POLR2F: variants seen among roughly 807,000 people sequenced by gnomAD.
POLR2F encodes the protein RNA polymerase II, I and III subunit F.
Under a neutral mutation model 22.7 loss-of-function variants are expected in POLR2F, and 12 were observed. The observed-to-expected ratio is 0.53, with a 90% CI of 0.34 to 0.86. POLR2F has a LOEUF of 0.86. Ranked by LOEUF, POLR2F falls within the 40% of genes least tolerant of loss-of-function variation. The pLI is 0.02. For synonymous variants in POLR2F, 57 were observed against 66.0 expected (o/e 0.86, Z 0.66); for missense variants, 126 against 171.5 (o/e 0.73, Z 1.48).
chr22:38,029,235 A>G (rs183159075), downstream of POLR2F, among the ~76,000 whole-genome samples: 62 of 152,292 alleles, frequency 4.1e-4, no homozygotes, highest in Non-Finnish European at 7.4e-5. Flanking sequence ...GGAGATGCAG[A>G]ATGTCTTTGG....
intron 1 of POLR2F, among the ~76,000 whole-genome samples, chr22:37,995,854 G>A (rs1449242404): frequency 6.6e-6 from 1 of 151,148 alleles, no homozygotes; most frequent in Non-Finnish European, 1.5e-5. Flanking sequence ...AAAAAAATCA[G>A]CTGGGTGTGG....
chr22:37,983,839 CG>C, upstream of POLR2F: 1 of 1,332,748 alleles, frequency 7.5e-7, no homozygotes, highest in Non-Finnish European at 9.6e-7. This position sits in a 1 kb window ranked among gnomAD's most constrained non-coding sequence, Gnocchi z 9.5. Context: ...GGCCAGCCGC[CG>C]GGGTCCTCGC....
chr22:38,023,519 G>A (rs1050088793), intron 1 of POLR2F, among the ~76,000 whole-genome samples: 2 of 150,940 alleles, frequency 1.3e-5, no homozygotes, highest in African/African-American at 4.9e-5. Flanking sequence ...GTACAGTTTC[G>A]TGGCACTAGG....
Position 37,997,929 on chromosome 22 carries a change from G to A in POLR2F, c.120+11617G>A, listed in dbSNP as rs1208043821. 3.3e-5 allele frequency among the ~76,000 whole-genome samples: 5 copies of A among 152,188 alleles called. No individual in the cohort carries two copies. Among genetic ancestry groups the A allele is most frequent in the African/African-American group, 4.8e-5 (2 of 41,448 alleles). On this transcript the variant is annotated intron_variant, in intron 1 of 2. Transcript: ENST00000333418. This position sits in a 1 kb window ranked among gnomAD's most constrained non-coding sequence, Gnocchi z 4.4. ...CGCAGGATTTGTACCATCTCCTGGC[G>A]CGAGAGCCAGGGTTGCCCAGATTGA...
At chr22:37,998,815 T>C (rs528108017) in intron 1 of POLR2F, among the ~76,000 whole-genome samples, 26 of 150,154 alleles carry the variant, frequency 1.7e-4, no homozygotes, top group African/African-American at 5.4e-4. Flanking sequence ...CCCAGAGGAA[T>C]GTGAGAGGGA....
Position 37,986,250 on chromosome 22 carries a change from A to C in POLR2F, c.60A>C (p.Ala20=), listed in dbSNP as rs1294207705. Residue 20 remains alanine, a synonymous_variant, in exon 1 of 3, where the codon GCA becomes GCC. Transcript: ENST00000333418. The surrounding 1 kb of genome is among the most constrained non-coding windows in gnomAD (Gnocchi z 4.7). ...TGCCGTCGTGTCCCGGCTGCCCTGC[A>C]GTCGCCTCCAACACCCGCTGCTGCC... 7 of 1,540,100 alleles carry C rather than the reference A, an allele frequency of 4.5e-6. No individual in the cohort carries two copies. Among genetic ancestry groups the C allele is most frequent in the Non-Finnish European group, 6.1e-6 (7 of 1,147,078 alleles).
intron 1 of POLR2F, among the ~76,000 whole-genome samples, 154 bp from the exon 2 acceptor site, chr22:37,956,619 G>C (rs938617601): frequency 5.9e-5 from 9 of 152,118 alleles, no homozygotes; most frequent in African/African-American, 2.2e-4. Context: ...GTTTTGCCTT[G>C]TTGGCCAGGC....
chr22:37,978,181 G>A lies in POLR2F; in HGVS notation c.293+11011G>A. 6.7e-7 allele frequency: 1 copy of A among 1,481,744 alleles called. No homozygotes were observed. The highest frequency in any genetic ancestry group is 9.0e-7 in the Non-Finnish European group (1 of 1,115,666). 91.8% of individuals were successfully genotyped at this position (1,481,744 alleles called of 1,614,324 possible). A position where few individuals can be genotyped will look rare whatever the true frequency, so the allele number is the denominator to read the frequency against. On this transcript the variant is annotated intron_variant, in intron 4 of 4. Coordinates refer to the POLR2F transcript ENST00000405557. This position sits in a 1 kb window ranked among gnomAD's most constrained non-coding sequence, Gnocchi z 5.0. ...GAGAGGACAGCAGAGGGGCTGGCGT[G>A]AATGCCAGAGCACTCCAGGTTGGCC...
At chr22:38,012,790 T>C (rs2084882710) in intron 1 of POLR2F, among the ~76,000 whole-genome samples, 1 of 152,248 alleles carries the variant, frequency 6.6e-6, no homozygotes, top group African/African-American at 2.4e-5. Flanking sequence ...CTGGTGTTTT[T>C]TCAAATGAGG....
chr22:38,010,416 CAG>C (rs1048004370), intron 1 of POLR2F, among the ~76,000 whole-genome samples: 20 of 148,978 alleles, frequency 1.3e-4, no homozygotes, highest in Admixed American at 2.7e-4. Flanking sequence ...GAGAGAGAGA[CAG>C]AGAGAGAGAG....
chr22:37,970,500 G>T (rs947781758), downstream of POLR2F, among the ~76,000 whole-genome samples: 3 of 150,606 alleles, frequency 2.0e-5, no homozygotes, highest in East Asian at 1.9e-4. Flanking sequence ...CCAGCTACTC[G>T]GGAGGCTGAG....
chr22:37,969,094 C>T lies in POLR2F; in HGVS notation c.*1379C>T, dbSNP rs1931968649. On this transcript the variant is annotated 3_prime_UTR_variant, in exon 5 of 5. Coordinates refer to ENST00000442738, the MANE Select transcript of POLR2F (RefSeq NM_021974.5). ...GGTCTCTTTGTTCCCTGCTGGGCTGCTCAGTATCAGATGTGATTAAAGGGA... is the reference window on the plus strand; with the variant it reads ...GGTCTCTTTGTTCCCTGCTGGGCTGTTCAGTATCAGATGTGATTAAAGGGA... 2.0e-6 allele frequency: 2 copies of T among 985,266 alleles called. No individual in the cohort carries two copies. Among genetic ancestry groups the T allele is most frequent in the South Asian group, 9.4e-5 (2 of 21,292 alleles). The allele number at this position is 985,266 out of a possible 1,614,324, so 61.0% of individuals were successfully genotyped here.
Position 37,978,273 on chromosome 22 carries a change from G to T in POLR2F, c.293+11103G>T. The T allele has an allele frequency of 2.2e-6, 2 of 905,614 alleles. No homozygotes were observed. The highest frequency in any genetic ancestry group is 3.7e-5 in the South Asian group (2 of 54,264). The allele number at this position is 905,614 out of a possible 1,614,324, so 56.1% of individuals were successfully genotyped here. A position where few individuals can be genotyped will look rare whatever the true frequency, so the allele number is the denominator to read the frequency against. Reference sequence around the variant, plus strand: ...TGGGGCACCCAGAGGACAGGACCCGGGGTGGGGGCTGTGCCCTATGATTTG... The same window carrying T: ...TGGGGCACCCAGAGGACAGGACCCGTGGTGGGGGCTGTGCCCTATGATTTG... On this transcript the variant is annotated intron_variant, in intron 4 of 4. Coordinates refer to the POLR2F transcript ENST00000405557. The surrounding 1 kb of genome is among the most constrained non-coding windows in gnomAD (Gnocchi z 5.0).
At chr22:38,032,731 C>T (rs56285444) in intron 5 of POLR2F, 2,438 of 152,452 alleles carry the variant, frequency 0.016, 72 homozygotes, top group African/African-American at 0.057. Context: ...GGAATCAGGA[C>T]GTGTCACAGA....
intron 1 of POLR2F, among the ~76,000 whole-genome samples, chr22:37,999,622 C>G (rs775414322): frequency 6.6e-6 from 1 of 152,056 alleles, no homozygotes; most frequent in African/African-American, 2.4e-5. Context: ...GCCACCGAGC[C>G]GAAATGAGCC....
chr22:38,001,223 C>T (rs949256170), intron 1 of POLR2F, among the ~76,000 whole-genome samples: 9 of 152,200 alleles, frequency 5.9e-5, no homozygotes, highest in Non-Finnish European at 1.2e-4. Context: ...AGAATTTATT[C>T]ATGAGTTGTT....
In POLR2F at chr22:37,991,347, G is replaced by A. The variant is rs1289747845; in HGVS notation, c.120+5035G>A. On this transcript the variant is annotated intron_variant, in intron 1 of 2. Coordinates refer to the POLR2F transcript ENST00000333418. ...TTGGCCAGGCTGGTCTTGAACTCCT[G>A]ACCTCAGGTGATTTGCCTGCCTCAG... 2.0e-5 allele frequency among the ~76,000 whole-genome samples: 3 copies of A among 152,122 alleles called. No homozygotes were observed. The East Asian group carries it at 5.8e-4, about 29-fold the overall frequency.
chr22:37,972,093 GGAGA>G (rs1239581743), downstream of POLR2F: 12 of 328,008 alleles, frequency 3.7e-5, no homozygotes, highest in East Asian at 1.9e-4. Flanking sequence ...GGGGGAGGGG[GGAGA>G]GAGAGAGAGA....
At chr22:37,995,812 C>T (rs572043000) in intron 1 of POLR2F, among the ~76,000 whole-genome samples, 13 of 150,232 alleles carry the variant, frequency 8.7e-5, no homozygotes, top group Admixed American at 3.3e-4. Flanking sequence ...GTTATCATGG[C>T]GAAACCCCAT....
Sources: gnomAD v4.1 joint callset for allele counts (sites outside exome capture counted in the v4.1 genomes callset) on GRCh38, gnomAD v4.1.1 for gene constraint, Gnocchi (gnomAD v3.1) non-coding constraint, MANE v1.5 for transcripts, NCBI Gene and HGNC (gene_info 2026-07-23, HGNC 2026-07-21) for gene names.